CCDC117: variants seen among roughly 807,000 people sequenced by gnomAD.
The protein encoded by CCDC117 is coiled-coil domain containing 117, also known as coiled-coil domain-containing protein 117.
CCDC117 carries 1 observed loss-of-function variant against 23.5 expected under a neutral mutation model. The ratio of observed to expected loss-of-function variants is 0.04; its 90% CI spans 0.02 to 0.20. CCDC117 has a LOEUF of 0.20. Ranked by LOEUF, CCDC117 falls within the 10% of genes least tolerant of loss-of-function variation. The probability of loss-of-function intolerance (pLI) is 1.00; values close to 1 mark genes in which losing one functional copy is unlikely to be tolerated. For missense variants in CCDC117, 383 were observed against 348.2 expected (o/e 1.10, Z -0.80); for synonymous variants, 132 against 124.8 (o/e 1.06, Z -0.39).
At chr22:28,773,157 C>T (rs576150533) in intron 1 of CCDC117, 123 bp downstream of exon 1, 2 of 268,728 alleles carry the variant, frequency 7.4e-6, no homozygotes, top group African/African-American at 2.3e-5. Context: ...TCCCTCCCCA[C>T]GGCCCTCCGC....
rs2031037887 is a variant in CCDC117, at chr22:28,773,044, C to G, written c.185+10C>G. ...GTGCGGCGCGCGGACGGTGAGGAGC[C>G]CGTCGGGCGCAGGGCGCAGGGCGGG... On this transcript the variant is annotated intron_variant, in intron 1 of 4. Transcript: ENST00000249064. 1 of 1,145,046 alleles carries G rather than the reference C, an allele frequency of 8.7e-7. No homozygotes were observed. Among genetic ancestry groups the G allele is most frequent in the Admixed American group, 4.9e-5 (1 of 20,554 alleles). The allele number at this position is 1,145,046 out of a possible 1,614,324, so 70.9% of individuals were successfully genotyped here.
chr22:28,774,371 CTT>C (rs35613553), intron 2 of CCDC117, among the ~76,000 whole-genome samples: 133 of 122,048 alleles, frequency 1.1e-3, no homozygotes, highest in Non-Finnish European at 8.9e-4. Context: ...CCTGAAAAGT[CTT>C]TTTTTTTTTT....
intron 2 of CCDC117, among the ~76,000 whole-genome samples, chr22:28,778,088 G>T (rs935521386): frequency 4.6e-5 from 7 of 151,466 alleles, no homozygotes; most frequent in African/African-American, 1.7e-4. Flanking sequence ...CTTGTGATCC[G>T]CCCGCCTCGG....
At chr22:28,774,992 G>A (rs1223137015) in intron 2 of CCDC117, among the ~76,000 whole-genome samples, 2 of 152,124 alleles carry the variant, frequency 1.3e-5, no homozygotes, top group African/African-American at 4.8e-5. Flanking sequence ...GGCCAGGCGT[G>A]GTGGCTCACA....
At chr22:28,773,682 C>G (rs543436069) in intron 1 of CCDC117, 43 bp from the exon 2 acceptor site, 4 of 1,509,108 alleles carry the variant, frequency 2.7e-6, no homozygotes, top group East Asian at 2.3e-5. Context: ...ACCACAAGCT[C>G]GAGTACATTT....
intron 2 of CCDC117, among the ~76,000 whole-genome samples, chr22:28,778,463 C>A (rs1016059993): frequency 4.6e-5 from 7 of 151,978 alleles, no homozygotes; most frequent in Non-Finnish European, 1.0e-4. Context: ...CAAAAGTCAG[C>A]CGGGCGTGGT....
intron 2 of CCDC117, among the ~76,000 whole-genome samples, chr22:28,774,375 T>C (rs2031100384): frequency 6.7e-6 from 1 of 149,772 alleles, no homozygotes; most frequent in African/African-American, 2.5e-5. Context: ...AAAAGTCTTT[T>C]TTTTTTTTTT....
intron 3 of CCDC117, among the ~76,000 whole-genome samples, chr22:28,782,690 G>A (rs2031386589): frequency 6.6e-6 from 1 of 152,068 alleles, no homozygotes; most frequent in African/African-American, 2.4e-5. Flanking sequence ...GCCTGCCTCT[G>A]CCTCCCAGAG....
chr22:28,776,810 C>G (rs914538146), intron 2 of CCDC117, among the ~76,000 whole-genome samples: 2 of 151,916 alleles, frequency 1.3e-5, no homozygotes, highest in Non-Finnish European at 2.9e-5. Flanking sequence ...TCTGGAACTT[C>G]CGACTTCGGA....
chr22:28,774,516 C>T (rs780723211), intron 2 of CCDC117, among the ~76,000 whole-genome samples: 1 of 151,692 alleles, frequency 6.6e-6, no homozygotes, highest in Non-Finnish European at 1.5e-5. Flanking sequence ...AGACTACAGA[C>T]TTGTGCCACC....
chr22:28,785,612 C>T (rs2031486882), intron 4 of CCDC117, among the ~76,000 whole-genome samples: 1 of 152,114 alleles, frequency 6.6e-6, no homozygotes, highest in Admixed American at 6.6e-5. Flanking sequence ...GTAATATTAA[C>T]CACAACTTAA....
At chr22:28,778,185 G>A (rs2031225120) in intron 2 of CCDC117, among the ~76,000 whole-genome samples, 1 of 152,070 alleles carries the variant, frequency 6.6e-6, no homozygotes, top group African/African-American at 2.4e-5. Context: ...ATTAAGGAAT[G>A]TTTTCTTCAA....
chr22:28,782,712 C>T (rs555876200), intron 3 of CCDC117, among the ~76,000 whole-genome samples: 128 of 152,292 alleles, frequency 8.4e-4, no homozygotes, highest in Non-Finnish European at 1.1e-3. Flanking sequence ...GCTGGGATTA[C>T]AGGCATGAGC....
rs538494667 is a variant in CCDC117 at position 28,772,826 on chromosome 22, C to A, written c.-24C>A. 2 of 1,223,238 alleles carry A rather than the reference C, an allele frequency of 1.6e-6. No individual in the cohort carries two copies. Among genetic ancestry groups the A allele is most frequent in the South Asian group, 7.9e-5 (2 of 25,232 alleles). The allele number at this position is 1,223,238 out of a possible 1,614,324, so 75.8% of individuals were successfully genotyped here. Reference sequence around the variant, plus strand: ...GGACGCGGGCGGCCGAGGCCGCCGTCGCAGCCTCCTCGTCTCGCCGGCTAT... The same window carrying A: ...GGACGCGGGCGGCCGAGGCCGCCGTAGCAGCCTCCTCGTCTCGCCGGCTAT... On this transcript the variant is annotated 5_prime_UTR_variant, in exon 1 of 5. Transcript: ENST00000249064.
chr22:28,781,180 G>GAT lies in CCDC117; in HGVS notation c.464+8_464+9insAT, dbSNP rs1370093290. ...TCAGGAGATTGAGGACAGGTAAATG[G>GAT]GCAGTGTATATAGCTGGTTTTTTGC... On this transcript the variant is annotated intron_variant, in intron 3 of 4. Transcript: ENST00000249064. 6.3e-7 allele frequency: 1 copy of GAT among 1,575,576 alleles called. No homozygotes were observed. Among genetic ancestry groups the GAT allele is most frequent in the African/African-American group, 1.3e-5 (1 of 74,148 alleles).
At chr22:28,784,137 C>T (rs889057809) in intron 4 of CCDC117, among the ~76,000 whole-genome samples, 5 of 152,176 alleles carry the variant, frequency 3.3e-5, no homozygotes, top group Admixed American at 6.5e-5. Flanking sequence ...CTGTTTTGCT[C>T]TTAATCTAAA....
Position 28,788,780 on chromosome 22 carries a change from G to C in CCDC117, c.*2454G>C, listed in dbSNP as rs550624228. ...TTTGTAGCATAAGGTTTTTGCTTTT[G>C]CTTTGCCTTAAGAGTTCCCTAGGGA... On this transcript the variant is annotated 3_prime_UTR_variant, in exon 5 of 5. Transcript: ENST00000249064. The C allele has an allele frequency of 6.6e-6, 1 of 152,644 alleles. No individual in the cohort carries two copies. Among genetic ancestry groups the C allele is most frequent in the African/African-American group, 2.4e-5 (1 of 41,530 alleles). 9.5% of individuals were successfully genotyped at this position (152,644 alleles called of 1,614,324 possible).
chr22:28,777,524 T>C (rs2031203049), intron 2 of CCDC117, among the ~76,000 whole-genome samples: 1 of 151,708 alleles, frequency 6.6e-6, no homozygotes, highest in Non-Finnish European at 1.5e-5. Context: ...TTTCTTTTTT[T>C]TTTTGAGATG....
At position 28,772,969 on chromosome 22, in the gene CCDC117, G is replaced by A; in HGVS notation, c.120G>A (p.Glu40=). The change falls in exon 1 of 5, where the codon GAG becomes GAA. Residue 40 remains glutamate, a synonymous_variant. Coordinates refer to ENST00000249064, the MANE Select transcript of CCDC117 (RefSeq NM_173510.4). ...RAFPPGADGA[E]LAPRPGPRAV... ...TCCCGCCGGGGGCTGACGGCGCCGA[G>A]TTGGCCCCGCGGCCGGGACCTCGCG... is the stretch of plus-strand genomic sequence containing the variant. The A allele has an allele frequency of 8.3e-7, 1 of 1,207,044 alleles. No individual in the cohort carries two copies. The highest frequency in any genetic ancestry group is 1.0e-6 in the Non-Finnish European group (1 of 971,768). 74.8% of individuals were successfully genotyped at this position (1,207,044 alleles called of 1,614,324 possible).
Sources: gnomAD v4.1 joint callset for allele counts (sites outside exome capture counted in the v4.1 genomes callset) on GRCh38, gnomAD v4.1.1 for gene constraint, MANE v1.5 for transcripts, NCBI Gene and HGNC (gene_info 2026-07-23, HGNC 2026-07-21) for gene names.